KLHL1: variants seen among roughly 807,000 people sequenced by gnomAD.
KLHL1 encodes kelch like family member 1, also known as kelch-like protein 1.
In KLHL1, 47 loss-of-function variants were observed where a neutral mutation model predicts 77.7. The observed-to-expected ratio is 0.60, with a 90% CI of 0.48 to 0.77. The LOEUF (loss-of-function observed/expected upper bound fraction) is 0.77, where lower values mean the gene tolerates loss of function less well. Among genes scored for constraint, KLHL1 ranks in the 30% least tolerant of loss-of-function variants. The pLI is 0.00. For missense variants in KLHL1, 925 were observed against 910.8 expected, an observed-to-expected ratio of 1.02 and a Z score of -0.20; for synonymous variants, 360 against 325.2, an observed-to-expected ratio of 1.11 and a Z score of -1.15.
chr13:69,836,599 A>T (rs143319896), intron 6 of KLHL1, among the ~76,000 whole-genome samples: 1 of 152,136 alleles, frequency 6.6e-6, no homozygotes, highest in East Asian at 1.9e-4. Flanking sequence ...GGAAGAAGGC[A>T]ATTTTCTGTT....
At chr13:69,714,322 A>G (rs7317932) in intron 9 of KLHL1, among the ~76,000 whole-genome samples, 11,391 of 152,200 alleles carry the variant, frequency 0.075, 576 homozygotes, top group Non-Finnish European at 0.11. Flanking sequence ...AGAAAACAAG[A>G]AAAAGCTAAA....
At chr13:69,784,187 C>CTAAACATGGAAAG (rs1234162275) in intron 7 of KLHL1, among the ~76,000 whole-genome samples, 1 of 152,064 alleles carries the variant, frequency 6.6e-6, no homozygotes, top group Non-Finnish European at 1.5e-5. Context: ...GAAGGAAGCA[C>CTAAACATGGAAAG]TAAACATGGA....
At chr13:69,916,999 CATGG>C (rs1438874967) in intron 4 of KLHL1, among the ~76,000 whole-genome samples, 8 of 151,764 alleles carry the variant, frequency 5.3e-5, no homozygotes, top group African/African-American at 1.7e-4. Context: ...GAAATAGAAA[CATGG>C]ATGTATACAT....
chr13:69,949,096 C>A (rs184164801), intron 3 of KLHL1, among the ~76,000 whole-genome samples: 95 of 151,890 alleles, frequency 6.3e-4, no homozygotes, highest in African/African-American at 2.1e-3. Flanking sequence ...CTGTTTCCCC[C>A]ATTATTAACA....
intron 1 of KLHL1, among the ~76,000 whole-genome samples, chr13:69,977,849 CAGA>C (rs1236847260): frequency 6.6e-6 from 1 of 151,918 alleles, no homozygotes; most frequent in Non-Finnish European, 1.5e-5. Context: ...ATATTATTTC[CAGA>C]AGATGTGTTT....
chr13:69,844,311 C>G (rs950819841), intron 5 of KLHL1, among the ~76,000 whole-genome samples: 2 of 150,896 alleles, frequency 1.3e-5, no homozygotes, highest in Non-Finnish European at 3.0e-5. Context: ...ATAAAATGAC[C>G]AAGGTATGCT....
intron 1 of KLHL1, among the ~76,000 whole-genome samples, chr13:70,096,126 C>A (rs1216555785): frequency 6.6e-6 from 1 of 152,064 alleles, no homozygotes; most frequent in Non-Finnish European, 1.5e-5. Flanking sequence ...CATATTTTAG[C>A]TATTGTTAAT....
At chr13:69,724,568 G>A (rs940021230) in intron 8 of KLHL1, among the ~76,000 whole-genome samples, 5 of 151,858 alleles carry the variant, frequency 3.3e-5, no homozygotes, top group Non-Finnish European at 7.4e-5. Context: ...AAAAACTAGA[G>A]GCTAACATCC....
In KLHL1 at chr13:69,724,254, G is replaced by A. The variant is rs78526078; in HGVS notation, c.1803-4673C>T. On this transcript the variant is annotated intron_variant, in intron 8 of 10. Transcript: ENST00000377844. ...TTGCATGTAATGGTTGATGTATTAC[G>A]TCTCCATAAAATGTATAAAGCAAGC... Among the ~76,000 whole-genome samples, 492 of 152,076 alleles carry A rather than the reference G, an allele frequency of 3.2e-3. 5 individuals are homozygous for A. Among genetic ancestry groups the A allele is most frequent in the African/African-American group, 0.011 (459 of 41,482 alleles).
chr13:69,901,420 AT>A (rs1433704688), intron 4 of KLHL1, among the ~76,000 whole-genome samples: 1 of 152,226 alleles, frequency 6.6e-6, no homozygotes, highest in East Asian at 1.9e-4. Context: ...TGAGGGATAA[AT>A]TAAATGTAAC....
intron 1 of KLHL1, among the ~76,000 whole-genome samples, chr13:70,013,380 A>G (rs1421130869): frequency 6.6e-6 from 1 of 152,204 alleles, no homozygotes; most frequent in Non-Finnish European, 1.5e-5. Flanking sequence ...GAGTTTTTCC[A>G]TATCTCTTTT....
intron 4 of KLHL1, among the ~76,000 whole-genome samples, chr13:69,912,304 ACTGAGTACATTTATCCCTT>A (rs1296057586): frequency 4.6e-5 from 7 of 152,156 alleles, no homozygotes; most frequent in African/African-American, 1.7e-4. Flanking sequence ...CTACTAATAA[ACTGAGTACATTTATCCCTT>A]CTGATATAAT....
At chr13:69,835,563 G>A (rs183417414) in intron 6 of KLHL1, among the ~76,000 whole-genome samples, 194 of 152,250 alleles carry the variant, frequency 1.3e-3, no homozygotes, top group African/African-American at 4.4e-3. Flanking sequence ...CTAAGTTACT[G>A]AGGCCTTTGG....
chr13:69,840,374 C>T, intron 5 of KLHL1, among the ~76,000 whole-genome samples: 1 of 151,828 alleles, frequency 6.6e-6, no homozygotes, highest in East Asian at 2.0e-4. Flanking sequence ...CAGATGTGCA[C>T]CACCATGCCC....
intron 9 of KLHL1, among the ~76,000 whole-genome samples, chr13:69,712,317 T>C (rs1174144277): frequency 6.6e-6 from 1 of 151,880 alleles, no homozygotes; most frequent in Non-Finnish European, 1.5e-5. Context: ...TATTGTTTTA[T>C]GGGTAATATT....
chr13:69,784,713 T>G (rs1281213620), intron 7 of KLHL1, among the ~76,000 whole-genome samples: 1 of 151,438 alleles, frequency 6.6e-6, no homozygotes, highest in Admixed American at 6.6e-5. Flanking sequence ...CAAAGAGACT[T>G]AGACTCCCAC....
At chr13:70,006,389 T>C (rs920872829) in intron 1 of KLHL1, among the ~76,000 whole-genome samples, 1 of 152,042 alleles carries the variant, frequency 6.6e-6, no homozygotes, top group African/African-American at 2.4e-5. Context: ...TGAGGATTTT[T>C]GTATCTTTAT....
chr13:69,785,172 G>T (rs193174068), intron 7 of KLHL1, among the ~76,000 whole-genome samples: 10 of 152,054 alleles, frequency 6.6e-5, no homozygotes, highest in Non-Finnish European at 5.9e-5. Flanking sequence ...GATTACAGGC[G>T]TGAGCCACCG....
intron 5 of KLHL1, among the ~76,000 whole-genome samples, chr13:69,848,785 C>T (rs1027210260): frequency 3.3e-5 from 5 of 151,252 alleles, no homozygotes; most frequent in Admixed American, 2.0e-4. Context: ...TAGTTGATTG[C>T]CTTAACATGA....
Sources: allele counts gnomAD v4.1 joint callset (sites outside exome capture counted in the v4.1 genomes callset), GRCh38; gene constraint gnomAD v4.1.1; transcripts MANE v1.5; gene names NCBI Gene and HGNC (gene_info 2026-07-23, HGNC 2026-07-21).